PRDM1: variants seen among roughly 807,000 people sequenced by gnomAD.
The protein encoded by PRDM1 is PR/SET domain 1.
A neutral mutation model predicts 62.8 loss-of-function variants in PRDM1; 13 were observed. The observed-to-expected ratio is 0.21, with a 90% confidence interval of 0.13 to 0.33. The LOEUF (loss-of-function observed/expected upper bound fraction) is 0.33. PRDM1 is among the 10% of genes least tolerant of loss of function. The pLI is 1.00. For missense variants in PRDM1, 895 were observed against 1,058.8 expected (o/e 0.85, Z 2.15); for synonymous variants, 396 against 417.6 (o/e 0.95, Z 0.63).
upstream of PRDM1, among the ~76,000 whole-genome samples, chr6:106,083,736 A>G (rs1278235210): frequency 6.6e-6 from 1 of 152,196 alleles, no homozygotes; most frequent in Non-Finnish European, 1.5e-5. Context: ...AAGATAACTG[A>G]GGTTCTTTTC....
rs1213518481 is a variant in PRDM1 at position 106,108,511 on chromosome 6, G to C, written c.*1025G>C. On this transcript the variant is annotated 3_prime_UTR_variant, in exon 7 of 7. Coordinates refer to ENST00000369096, the MANE Select transcript of PRDM1 (RefSeq NM_001198.4). Reference sequence around the variant, plus strand: ...GAGTCTGGGTGGTGTTTTGTTGTTGGTTTTTGTTGCTTTTTTTTTTTTTTT... The same window carrying C: ...GAGTCTGGGTGGTGTTTTGTTGTTGCTTTTTGTTGCTTTTTTTTTTTTTTT... The C allele has an allele frequency of 1.1e-5, 2 of 178,770 alleles. No individual in the cohort carries two copies. The highest frequency in any genetic ancestry group is 6.5e-5 in the African/African-American group (2 of 30,762). 11.1% of individuals were successfully genotyped at this position (178,770 alleles called of 1,614,324 possible).
At chr6:106,001,406 G>A (rs113430336) in intron 1 of PRDM1, among the ~76,000 whole-genome samples, 4 of 152,140 alleles carry the variant, frequency 2.6e-5, no homozygotes, top group African/African-American at 7.2e-5. Flanking sequence ...AGAGTTTATC[G>A]TTTTGTCTTT....
chr6:106,100,571 A>T (rs1235530493), intron 4 of PRDM1: 1 of 152,248 alleles, frequency 6.6e-6, no homozygotes, highest in Admixed American at 6.5e-5. Flanking sequence ...GACATTTGGA[A>T]TAAATATCAA....
chr6:106,012,828 G>T (rs1772574369), intron 1 of PRDM1, among the ~76,000 whole-genome samples: 1 of 152,294 alleles, frequency 6.6e-6, no homozygotes, highest in East Asian at 1.9e-4. Context: ...TGCAGAAAAA[G>T]GTTTGAAATT....
At chr6:106,027,037 G>A (rs1772775117) in intron 1 of PRDM1, among the ~76,000 whole-genome samples, 2 of 152,192 alleles carry the variant, frequency 1.3e-5, no homozygotes, top group Admixed American at 1.3e-4. Flanking sequence ...GTACTCCCAC[G>A]TTGTTGAAAT....
At chr6:106,040,576 C>G (rs1356516885) in intron 1 of PRDM1, among the ~76,000 whole-genome samples, 1 of 152,222 alleles carries the variant, frequency 6.6e-6, no homozygotes, top group African/African-American at 2.4e-5. Context: ...GCAGACTTCA[C>G]AGTTCAAACC....
intron 1 of PRDM1, among the ~76,000 whole-genome samples, chr6:106,043,151 C>T (rs1161272441): frequency 6.6e-6 from 1 of 152,156 alleles, no homozygotes; most frequent in Non-Finnish European, 1.5e-5. Flanking sequence ...ACAACTGGCC[C>T]AAGGCTGACA....
Position 106,106,416 on chromosome 6 carries a change from A to G in PRDM1, c.1819A>G (p.Thr607Ala). The change falls in exon 6 of 7, where the codon ACT becomes GCT. Residue 607 changes from threonine (T) to alanine (A), a missense_variant. Around this residue, in one of 4 missense-constraint regions of PRDM1, gnomAD observed 74 missense variants for 172.4 expected, o/e 0.43. Coordinates refer to ENST00000369096, the MANE Select transcript of PRDM1 (RefSeq NM_001198.4). This position sits in a 1 kb window ranked among gnomAD's most constrained non-coding sequence, Gnocchi z 4.4. ...TGGAGAACGGCCTTTCAAATGTCAG[A>G]CTTGCAACAAGGGCTTTACTCAGCT... The part of the protein sequence containing the change: ...HSGERPFKCQ[T>A]CNKGFTQLAH... The G allele has an allele frequency of 6.2e-7, 1 of 1,614,200 alleles. No individual in the cohort carries two copies. Among genetic ancestry groups the G allele is most frequent in the Non-Finnish European group, 8.5e-7 (1 of 1,180,028 alleles).
intron 4 of PRDM1, among the ~76,000 whole-genome samples, chr6:106,103,401 T>C (rs1207951397): frequency 6.6e-6 from 1 of 152,128 alleles, no homozygotes; most frequent in Non-Finnish European, 1.5e-5. Flanking sequence ...TTTTAGACGA[T>C]GAAGGATATT....
intron 2 of PRDM1, among the ~76,000 whole-genome samples, chr6:106,088,660 A>G (rs553496258): frequency 6.6e-6 from 1 of 152,330 alleles, no homozygotes; most frequent in East Asian, 1.9e-4. Flanking sequence ...CTCACTAATT[A>G]GTAAACAGTT....
chr6:106,015,087 G>T (rs766227986), intron 1 of PRDM1, among the ~76,000 whole-genome samples: 14 of 152,190 alleles, frequency 9.2e-5, no homozygotes, highest in Non-Finnish European at 1.8e-4. Context: ...GGTTCCCTTT[G>T]CTGGGATGGA....
At chr6:106,006,356 A>G (rs1185391765) in intron 1 of PRDM1, among the ~76,000 whole-genome samples, 1 of 152,174 alleles carries the variant, frequency 6.6e-6, no homozygotes, top group Non-Finnish European at 1.5e-5. Flanking sequence ...AAAATATGTC[A>G]AGGAAAGAAG....
At chr6:106,029,078 G>T (rs1175340642) in intron 1 of PRDM1, among the ~76,000 whole-genome samples, 4 of 151,858 alleles carry the variant, frequency 2.6e-5, no homozygotes, top group African/African-American at 9.7e-5. Flanking sequence ...ACGCCACCAT[G>T]CCCAGCTAAT....
intron 1 of PRDM1, among the ~76,000 whole-genome samples, chr6:106,013,836 C>A (rs930551387): frequency 3.3e-5 from 5 of 152,146 alleles, no homozygotes; most frequent in Non-Finnish European, 7.4e-5. Flanking sequence ...GCATAGAATT[C>A]TTTTCCCCCT....
At chr6:106,039,249 CAG>C (rs1239625857) in intron 1 of PRDM1, among the ~76,000 whole-genome samples, 1 of 152,092 alleles carries the variant, frequency 6.6e-6, no homozygotes, top group Non-Finnish European at 1.5e-5. Context: ...GGGAGAGGCT[CAG>C]AGCTTTCCTC....
intron 1 of PRDM1, among the ~76,000 whole-genome samples, chr6:106,027,619 T>TGGG (rs902171910): frequency 1.4e-5 from 2 of 146,330 alleles, no homozygotes; most frequent in Non-Finnish European, 3.0e-5. Context: ...AAATAGGTGG[T>TGGG]GGGGGACCAG....
intron 1 of PRDM1, among the ~76,000 whole-genome samples, chr6:106,007,782 T>C (rs1159883605): frequency 1.3e-5 from 2 of 152,154 alleles, no homozygotes; most frequent in Non-Finnish European, 2.9e-5. Context: ...ACTGGTAGCC[T>C]TCTTTCTGTT....
intron 2 of PRDM1, among the ~76,000 whole-genome samples, chr6:106,095,330 T>TA (rs1774082037): frequency 6.6e-6 from 1 of 152,186 alleles, no homozygotes; most frequent in African/African-American, 2.4e-5. Context: ...TGTTCTAGCA[T>TA]AAAAAGTAAT....
chr6:106,088,580 T>C (rs539810398), intron 2 of PRDM1, 131 bp downstream of exon 2: 8 of 1,005,916 alleles, frequency 8.0e-6, no homozygotes, highest in Non-Finnish European at 1.2e-5. Context: ...GATTGCTCTA[T>C]TCAATTCTTG....
Sources: gnomAD v4.1 joint callset for allele counts (sites outside exome capture counted in the v4.1 genomes callset) on GRCh38, gnomAD v4.1.1 for gene constraint, gnomAD v4.1.1 regional missense constraint, Gnocchi (gnomAD v3.1) non-coding constraint, MANE v1.5 for transcripts, NCBI Gene and HGNC (gene_info 2026-07-23, HGNC 2026-07-21) for gene names.